The following CELF3 variants were observed in gnomAD, a reference collection of about 807,000 sequenced individuals.
The protein encoded by CELF3 is CUGBP Elav-like family member 3, also known as CAG repeat domain.
In CELF3, 26 loss-of-function variants were observed where a neutral mutation model predicts 59.6. The observed-to-expected ratio is 0.44, with a 90% CI of 0.32 to 0.61. The LOEUF (loss-of-function observed/expected upper bound fraction) is 0.61, where lower values mean the gene tolerates loss of function less well. Among genes scored for constraint, CELF3 ranks in the 20% least tolerant of loss-of-function variants. The pLI is 0.06. For synonymous variants in CELF3, 245 were observed against 250.7 expected (o/e 0.98, Z 0.22); for missense variants, 387 against 627.2 (o/e 0.62, Z 4.09).
chr1:151,713,981 G>T (rs1201051698), intron 2 of CELF3, among the ~76,000 whole-genome samples: 1 of 152,134 alleles, frequency 6.6e-6, no homozygotes, highest in African/African-American at 2.4e-5. Flanking sequence ...CCTCTACAAT[G>T]TCTGTCCCTG....
At chr1:151,715,425 C>A (rs185187171) in intron 1 of CELF3, among the ~76,000 whole-genome samples, 2 of 152,194 alleles carry the variant, frequency 1.3e-5, no homozygotes, top group Admixed American at 6.5e-5. Flanking sequence ...CTGCCCAGTC[C>A]AGCTCCACGC....
chr1:151,704,963 G>A (rs973672589), intron 12 of CELF3, 68 bp downstream of exon 12: 99 of 1,516,856 alleles, frequency 6.5e-5, no homozygotes, highest in Non-Finnish European at 8.8e-5. Flanking sequence ...TGGGGGTGTA[G>A]TCCAATCGAG....
At position 151,716,792 on chromosome 1, in the gene CELF3, TC is replaced by T; in HGVS notation, c.-773del. ...GCTCTGCTCTCCGGCCGCGCTCTCC[TC>T]AACAAAAACCTCCCCCCTCCACACC... On this transcript the variant is annotated 5_prime_UTR_variant, in exon 1 of 13. Coordinates refer to ENST00000290583, the MANE Select transcript of CELF3 (RefSeq NM_007185.7). The T allele has an allele frequency of 2.2e-6, 1 of 463,478 alleles. No individual in the cohort carries two copies. The highest frequency in any genetic ancestry group is 4.4e-6 in the Non-Finnish European group (1 of 225,578). The allele number at this position is 463,478 out of a possible 1,614,324, so 28.7% of individuals were successfully genotyped here. A position where few individuals can be genotyped will look rare whatever the true frequency, so the allele number is the denominator to read the frequency against.
chr1:151,707,331 G>A (rs1453075327), intron 7 of CELF3, 37 bp from the exon 8 acceptor site: 2 of 1,559,538 alleles, frequency 1.3e-6, no homozygotes, highest in Non-Finnish European at 1.7e-6. Flanking sequence ...GAGCAGAGGA[G>A]CAGACACACA....
intron 2 of CELF3, among the ~76,000 whole-genome samples, chr1:151,712,724 C>T (rs1673124934): frequency 6.6e-6 from 1 of 152,174 alleles, no homozygotes; most frequent in South Asian, 2.1e-4. Context: ...CTCTGCAGCC[C>T]AAAATATCAC....
rs779017070 is a variant in CELF3 at position 151,707,651 on chromosome 1, G to A, written c.631-3C>T. The A allele has an allele frequency of 3.7e-6, 6 of 1,604,464 alleles. No homozygotes were observed. The highest frequency in any genetic ancestry group is 4.2e-6 in the Non-Finnish European group (5 of 1,177,092). On this transcript the variant is annotated splice_polypyrimidine_tract_variant and splice_region_variant and intron_variant, in intron 6 of 12. Coordinates refer to ENST00000290583, the MANE Select transcript of CELF3 (RefSeq NM_007185.7). ...AGGGCCGCCTGCTGCTGCATCAGCT[G>A]GGGGGAGGGGAGAGGAGAGTGGGGC...
At position 151,709,449 on chromosome 1, in the gene CELF3, T is replaced by C. The variant is rs1672836459; in HGVS notation, c.278-101A>G. On this transcript the variant is annotated intron_variant, in intron 3 of 12. Transcript: ENST00000290583. The surrounding 1 kb of genome is among the most constrained non-coding windows in gnomAD (Gnocchi z 4.9). ...CTGGAGCTCCTAACACTACTTCTGC[T>C]ACCCTTAGGGTCCAATGGCTGTAGG... is the stretch of plus-strand genomic sequence containing the variant. 1 of 1,515,234 alleles carries C rather than the reference T, an allele frequency of 6.6e-7. No homozygotes were observed. Among genetic ancestry groups the C allele is most frequent in the Non-Finnish European group, 9.1e-7 (1 of 1,103,038 alleles). The allele number at this position is 1,515,234 out of a possible 1,614,324, so 93.9% of individuals were successfully genotyped here. A position where few individuals can be genotyped will look rare whatever the true frequency, so the allele number is the denominator to read the frequency against.
At position 151,716,003 on chromosome 1, in the gene CELF3, G is replaced by A. The variant is rs981405819; in HGVS notation, c.18C>T (p.Ala6=). Residue 6 remains alanine, a synonymous_variant, in exon 1 of 13, where the codon GCC becomes GCT. Transcript: ENST00000290583. ...GGATCTGCCCCACAAACAGCTTGAT[G>A]GCATCCGGCTCCTTCATTGAGGCGG... MKEPD[A]IKLFVGQIPR... is the part of the protein sequence containing the mutation. 1 of 1,613,396 alleles carries A rather than the reference G, an allele frequency of 6.2e-7. No individual in the cohort carries two copies.
intron 5 of CELF3, 183 bp from the exon 6 acceptor site, chr1:151,708,118 T>A: frequency 1.7e-6 from 1 of 600,140 alleles, no homozygotes; most frequent in Non-Finnish European, 2.8e-6. Flanking sequence ...TGCTAGGATG[T>A]GCAAGAGGCT....
In CELF3 at chr1:151,709,122, C is replaced by A; in HGVS notation, c.407-45G>T. On this transcript the variant is annotated intron_variant, in intron 4 of 12. Transcript: ENST00000290583. The surrounding 1 kb of genome is among the most constrained non-coding windows in gnomAD (Gnocchi z 4.9). ...GGAGGAGAGGGGTAAGCACCCATCC[C>A]TGCGGGACCCCGCGGTGGAACCCGA... is the stretch of plus-strand genomic sequence containing the variant. The A allele has an allele frequency of 6.2e-7, 1 of 1,607,994 alleles. No individual in the cohort carries two copies. The highest frequency in any genetic ancestry group is 2.2e-5 in the East Asian group (1 of 44,688).
At position 151,715,869 on chromosome 1, in the gene CELF3, C is replaced by T. The variant is rs763351161; in HGVS notation, c.145+7G>A. 36 of 1,610,814 alleles carry T rather than the reference C, an allele frequency of 2.2e-5. No individual in the cohort carries two copies. The South Asian group carries it at 3.7e-4, about 17-fold the overall frequency. ...CCGAAGCCTCTTCAGCCTGCCCGAC[C>T]CCTCACCCTTGTGCAGCCCGGTGTA... On this transcript the variant is annotated splice_region_variant and intron_variant, in intron 1 of 12. Transcript: ENST00000290583.
chr1:151,714,811 G>A, intron 1 of CELF3, 135 bp from the exon 2 acceptor site: 1 of 684,372 alleles, frequency 1.5e-6, no homozygotes, highest in Non-Finnish European at 2.6e-6. Context: ...GGGGTAGAGA[G>A]GTGTCTCCAA....
Position 151,716,283 on chromosome 1 carries a change from G to C in CELF3, c.-263C>G. The C allele has an allele frequency of 2.2e-6, 1 of 446,526 alleles. No individual in the cohort carries two copies. The highest frequency in any genetic ancestry group is 4.0e-5 in the South Asian group (1 of 24,710). 27.7% of individuals were successfully genotyped at this position (446,526 alleles called of 1,614,324 possible). On this transcript the variant is annotated 5_prime_UTR_variant, in exon 1 of 13. Coordinates refer to ENST00000290583, the MANE Select transcript of CELF3 (RefSeq NM_007185.7). ...GCCTAAACAAACGATCTCCCTCCCA[G>C]AGATCTGGCAAATGTCCCAGGATGG...
chr1:151,716,309 G>A lies in CELF3; in HGVS notation c.-289C>T. The A allele has an allele frequency of 2.5e-6, 1 of 402,622 alleles. No individual in the cohort carries two copies. The highest frequency in any genetic ancestry group is 4.5e-6 in the Non-Finnish European group (1 of 222,324). 24.9% of individuals were successfully genotyped at this position (402,622 alleles called of 1,614,324 possible). A position where few individuals can be genotyped will look rare whatever the true frequency, so the allele number is the denominator to read the frequency against. The stretch of plus-strand genomic sequence containing the variant: ...AGATCTGGCAAATGTCCCAGGATGG[G>A]GGTGAGTATGGCCAAGACCTGGAGG... On this transcript the variant is annotated 5_prime_UTR_variant, in exon 1 of 13. Transcript: ENST00000290583.
In CELF3 at chr1:151,703,115, T is replaced by C. The variant is rs1319352782; in HGVS notation, c.*344A>G. 4.4e-6 allele frequency: 2 copies of C among 457,810 alleles called. No homozygotes were observed. The highest frequency in any genetic ancestry group is 3.1e-5 in the South Asian group (2 of 64,594). 28.4% of individuals were successfully genotyped at this position (457,810 alleles called of 1,614,324 possible). A position where few individuals can be genotyped will look rare whatever the true frequency, so the allele number is the denominator to read the frequency against. ...CTGCACGGGTAGAACAGGCCCACTG[T>C]TGGGGGAGGCAAGTACAAACGCTGG... On this transcript the variant is annotated 3_prime_UTR_variant, in exon 13 of 13. Coordinates refer to ENST00000290583, the MANE Select transcript of CELF3 (RefSeq NM_007185.7).
rs983695126 is a variant in CELF3, at chr1:151,700,828, C to T, written c.*2631G>A. Among the ~76,000 whole-genome samples the T allele has an allele frequency of 2.0e-5, 3 of 152,132 alleles. No homozygotes were observed. Among genetic ancestry groups the T allele is most frequent in the Admixed American group, 6.5e-5 (1 of 15,276 alleles). On this transcript the variant is annotated 3_prime_UTR_variant, in exon 13 of 13. Coordinates refer to ENST00000290583, the MANE Select transcript of CELF3 (RefSeq NM_007185.7). The stretch of plus-strand genomic sequence containing the variant: ...GAAAATAGAAATATATGAGTCAGGA[C>T]TTTATGGGAGAAAGTTTTAGCATTG...
At position 151,706,701 on chromosome 1, in the gene CELF3, T is replaced by G. The variant is rs1349564577; in HGVS notation, c.956A>C (p.Gln319Pro). 3 of 1,551,134 alleles carry G rather than the reference T, an allele frequency of 1.9e-6. No homozygotes were observed. In the Admixed American group the frequency reaches 5.9e-5, roughly 30 times the overall value. ...QSPAAPVDPL[Q>P]QAYAGMQHYT... ...GTGCTGCATCCCCGCGTAGGCCTGC[T>G]GCAGGGGGTCCACGGGGGCCGCGGG... is the stretch of plus-strand genomic sequence containing the variant. The change falls in exon 9 of 13, where the codon CAG (glutamine) becomes CCG (proline). Residue 319 changes from glutamine (Q) to proline (P), a missense_variant. Physicochemically the swap from Gln to Pro is moderately conservative, Grantham distance 76. Transcript: ENST00000290583.
At chr1:151,713,220 C>T (rs561868576) in intron 2 of CELF3, among the ~76,000 whole-genome samples, 17 of 152,278 alleles carry the variant, frequency 1.1e-4, no homozygotes, top group East Asian at 7.7e-4. Flanking sequence ...ATTAACCAGG[C>T]GCCCTTCTTC....
At position 151,706,034 on chromosome 1, in the gene CELF3, C is replaced by T; in HGVS notation, c.1127-69G>A. On this transcript the variant is annotated intron_variant, in intron 10 of 12. Coordinates refer to ENST00000290583, the MANE Select transcript of CELF3 (RefSeq NM_007185.7). ...GGCACACACCCCAGAAGCAAATGTC[C>T]CAGGGAAAGCAGATCCTGGGAGTGC... The T allele has an allele frequency of 6.9e-6, 11 of 1,599,498 alleles. No homozygotes were observed. In the South Asian group the frequency reaches 1.2e-4, roughly 18 times the overall value.
Sources: allele counts gnomAD v4.1 joint callset (sites outside exome capture counted in the v4.1 genomes callset), GRCh38; gene constraint gnomAD v4.1.1; non-coding constraint Gnocchi (gnomAD v3.1); transcripts MANE v1.5; gene names NCBI Gene and HGNC (gene_info 2026-07-23, HGNC 2026-07-21).